TAS2R1: variants seen among roughly 807,000 people sequenced by gnomAD.
TAS2R1 encodes taste receptor type 2 member 1.
For synonymous variants in TAS2R1, 141 were observed against 134.2 expected, an observed-to-expected ratio of 1.05 and a Z score of -0.35; for missense variants, 370 against 353.4, an observed-to-expected ratio of 1.05 and a Z score of -0.38.
chr5:9,805,459 G>T, the TAS2R1 span, among the ~76,000 whole-genome samples: 3 of 151,852 alleles, frequency 2.0e-5, no homozygotes, highest in East Asian at 5.8e-4. Flanking sequence ...GGAAACTACA[G>T]ACCCATATCC....
chr5:9,835,922 T>C, the TAS2R1 span, among the ~76,000 whole-genome samples: 50 of 152,186 alleles, frequency 3.3e-4, no homozygotes, highest in African/African-American at 1.1e-3. Flanking sequence ...AATGAGTTAA[T>C]CATCAGACCC....
At chr5:9,653,095 G>A (rs940551575) in intron 2 of TAS2R1, among the ~76,000 whole-genome samples, 5 of 152,070 alleles carry the variant, frequency 3.3e-5, no homozygotes, top group African/African-American at 1.2e-4. Flanking sequence ...CTGTCTCTAT[G>A]ATTTGACTAC....
At chr5:9,891,475 C>T in the TAS2R1 span, among the ~76,000 whole-genome samples, 6 of 152,154 alleles carry the variant, frequency 3.9e-5, no homozygotes, top group East Asian at 7.7e-4. Context: ...ATAAGCAAAG[C>T]TCTTTGGGGC....
chr5:9,745,940 T>G, the TAS2R1 span, among the ~76,000 whole-genome samples: 5 of 152,062 alleles, frequency 3.3e-5, no homozygotes, highest in African/African-American at 1.2e-4. Context: ...ACTAAAGAAC[T>G]TCTGCACAGC....
intron 1 of TAS2R1, among the ~76,000 whole-genome samples, chr5:9,667,263 G>T (rs1348542899): frequency 2.0e-5 from 3 of 152,174 alleles, no homozygotes; most frequent in Non-Finnish European, 4.4e-5. Flanking sequence ...TGATGGCAGG[G>T]TGGGCAACTC....
intron 1 of TAS2R1, among the ~76,000 whole-genome samples, chr5:9,679,706 T>C (rs1340683067): frequency 2.6e-5 from 4 of 152,194 alleles, no homozygotes; most frequent in Non-Finnish European, 5.9e-5. Flanking sequence ...GCTAGAATGA[T>C]ATATGTGGAA....
At chr5:9,701,274 A>AGT (rs1741479103) in intron 1 of TAS2R1, among the ~76,000 whole-genome samples, 1 of 142,598 alleles carries the variant, frequency 7.0e-6, no homozygotes, top group South Asian at 2.3e-4. Flanking sequence ...ACACACACAC[A>AGT]GTCTTATAAT....
chr5:9,867,300 A>AT, the TAS2R1 span: 6 of 152,224 alleles, frequency 3.9e-5, no homozygotes, highest in Non-Finnish European at 8.8e-5. Flanking sequence ...TCATGCTGCT[A>AT]ATAAAGACAT....
the TAS2R1 span, among the ~76,000 whole-genome samples, chr5:9,809,484 C>T: frequency 6.6e-6 from 1 of 151,906 alleles, no homozygotes; most frequent in Non-Finnish European, 1.5e-5. Flanking sequence ...GAGGAGATAC[C>T]AGGCCTACGA....
chr5:9,659,045 A>G lies in TAS2R1; in HGVS notation c.-81+376T>C, dbSNP rs113782667. Among the ~76,000 whole-genome samples the G allele has an allele frequency of 3.0e-3, 452 of 152,308 alleles. 1 individual carries two copies. The highest frequency in any genetic ancestry group is 4.4e-3 in the Non-Finnish European group (296 of 68,024). On this transcript the variant is annotated intron_variant, in intron 2 of 2. Transcript: ENST00000506620. ...CCTGTAAATTTTATCCCCTGTGGCA[A>G]GTTAGCAAATTGGCATCCAGGTTTA...
chr5:9,747,397 C>A, the TAS2R1 span, among the ~76,000 whole-genome samples: 1 of 152,068 alleles, frequency 6.6e-6, no homozygotes, highest in African/African-American at 2.4e-5. Context: ...AAGCATGGCA[C>A]CAGCATCTGT....
chr5:9,813,238 CT>C, the TAS2R1 span, among the ~76,000 whole-genome samples: 1 of 152,166 alleles, frequency 6.6e-6, no homozygotes, highest in African/African-American at 2.4e-5. Flanking sequence ...TGGAACAGAT[CT>C]TTTCCTCACA....
the TAS2R1 span, among the ~76,000 whole-genome samples, chr5:9,849,304 T>A: frequency 6.6e-6 from 1 of 152,232 alleles, no homozygotes; most frequent in Non-Finnish European, 1.5e-5. Context: ...GTATCATTTG[T>A]TAAACAGCAC....
the TAS2R1 span, among the ~76,000 whole-genome samples, chr5:9,804,055 A>T: frequency 6.6e-6 from 1 of 152,204 alleles, no homozygotes; most frequent in South Asian, 2.1e-4. Context: ...GAGATATTCC[A>T]TGCCAATGGA....
chr5:9,638,390 C>T (rs1433773423), intron 2 of TAS2R1, among the ~76,000 whole-genome samples: 3 of 152,198 alleles, frequency 2.0e-5, no homozygotes, highest in African/African-American at 7.2e-5. Context: ...AGTTTTCTGG[C>T]TTTCTTGAAT....
At position 9,630,057 on chromosome 5, in the gene TAS2R1, TA is replaced by T. The variant is rs764236616; in HGVS notation, c.-26del. The T allele has an allele frequency of 9.9e-6, 15 of 1,509,260 alleles. No homozygotes were observed. The highest frequency in any genetic ancestry group is 1.3e-5 in the Non-Finnish European group (15 of 1,131,048). The allele number at this position is 1,509,260 out of a possible 1,614,324, so 93.5% of individuals were successfully genotyped here. A position where few individuals can be genotyped will look rare whatever the true frequency, so the allele number is the denominator to read the frequency against. ...TTTTAGGAATAAAAAATTATTTACT[TA>T]AAAAATAATGAAGTTATAAAGTTTT... On this transcript the variant is annotated 5_prime_UTR_variant, in exon 1 of 1. Transcript: ENST00000382492.
chr5:9,686,074 A>G (rs1456603369), intron 1 of TAS2R1, among the ~76,000 whole-genome samples: 3 of 152,200 alleles, frequency 2.0e-5, no homozygotes, highest in African/African-American at 7.2e-5. Flanking sequence ...CATGTTGACC[A>G]GGCTGATCTC....
At position 9,629,920 on chromosome 5, in the gene TAS2R1, T is replaced by C. The variant is rs1440874204; in HGVS notation, c.113A>G (p.His38Arg). 2 of 1,614,072 alleles carry C rather than the reference T, an allele frequency of 1.2e-6. No homozygotes were observed. Among genetic ancestry groups the C allele is most frequent in the Admixed American group, 3.3e-5 (2 of 59,970 alleles). ...VVVNGIDLIK[H>R]RKMAPLDLLL... is the part of the protein sequence containing the mutation. ...GAGATCCAGCGGAGCCATTTTTCTG[T>C]GCTTGATCAAGTCAATGCCATTCAC... Residue 38 changes from histidine to arginine, a missense_variant, in exon 1 of 1, where the codon CAC (histidine) becomes CGC (arginine). His to Arg is a conservative substitution (Grantham distance 29, BLOSUM62 0). Transcript: ENST00000382492.
chr5:9,732,762 G>C, the TAS2R1 span, among the ~76,000 whole-genome samples: 9 of 152,204 alleles, frequency 5.9e-5, no homozygotes, highest in East Asian at 1.5e-3. Flanking sequence ...GTTCTGCTGA[G>C]AAAGAGAACC....
Sources: allele counts gnomAD v4.1 joint callset (sites outside exome capture counted in the v4.1 genomes callset), GRCh38; gene constraint gnomAD v4.1.1; transcripts MANE v1.5; gene names NCBI Gene and HGNC (gene_info 2026-07-23, HGNC 2026-07-21).